The following TBC1D5 variants were observed in gnomAD, a reference collection of about 807,000 sequenced individuals.
TBC1D5 encodes TBC1 domain family, member 5.
Under a neutral mutation model 100.3 loss-of-function variants are expected in TBC1D5, and 75 were observed. The ratio of observed to expected loss-of-function variants is 0.75; its 90% confidence interval spans 0.62 to 0.91. The LOEUF (loss-of-function observed/expected upper bound fraction) is 0.91, where lower values mean the gene tolerates loss of function less well. Ranked by LOEUF, TBC1D5 falls within the 40% of genes least tolerant of loss-of-function variation. The pLI is 0.00. For missense variants in TBC1D5, 910 were observed against 942.4 expected (o/e 0.97, Z 0.45); for synonymous variants, 323 against 325.6 (o/e 0.99, Z 0.09).
chr3:17,739,926 A>C (rs1196750779), exon 1 of TBC1D5: 1 of 152,152 alleles, frequency 6.6e-6, no homozygotes, highest in Non-Finnish European at 1.5e-5. Flanking sequence ...AATCGCTTGA[A>C]TCTGGGAGGC....
At chr3:17,227,983 A>C (rs1204884451) in intron 17 of TBC1D5, among the ~76,000 whole-genome samples, 2 of 151,990 alleles carry the variant, frequency 1.3e-5, no homozygotes, top group Admixed American at 1.3e-4. Flanking sequence ...AGGGTCTGAC[A>C]GATCAAGAAG....
At chr3:17,345,365 A>C (rs1477826937) in intron 13 of TBC1D5, among the ~76,000 whole-genome samples, 1 of 152,182 alleles carries the variant, frequency 6.6e-6, no homozygotes, top group Non-Finnish European at 1.5e-5. Context: ...TAAAACCACA[A>C]TGAGATACCA....
At chr3:17,356,991 TGA>T (rs2091274782) in intron 13 of TBC1D5, among the ~76,000 whole-genome samples, 2 of 107,046 alleles carry the variant, frequency 1.9e-5, no homozygotes, top group Admixed American at 1.7e-4. Context: ...CACTGTTTTG[TGA>T]TAAAAAAAAA....
intron 18 of TBC1D5, among the ~76,000 whole-genome samples, chr3:17,198,535 A>G (rs2071030333): frequency 6.6e-6 from 1 of 152,242 alleles, no homozygotes; most frequent in African/African-American, 2.4e-5. Flanking sequence ...CTCATTATTT[A>G]TCTGAAATTC....
chr3:17,223,494 T>A (rs1321978192), intron 17 of TBC1D5, among the ~76,000 whole-genome samples: 1 of 152,210 alleles, frequency 6.6e-6, no homozygotes, highest in Non-Finnish European at 1.5e-5. Context: ...ATGCTTTAAT[T>A]CACTTGCTCA....
At chr3:17,484,625 G>A (rs116336935) in intron 3 of TBC1D5, among the ~76,000 whole-genome samples, 1,774 of 151,974 alleles carry the variant, frequency 0.012, 26 homozygotes, top group African/African-American at 0.04. Context: ...TGAGACCAAA[G>A]GTGTATGCCA....
At chr3:17,653,612 AT>A (rs1169204697) in intron 1 of TBC1D5, among the ~76,000 whole-genome samples, 3 of 152,176 alleles carry the variant, frequency 2.0e-5, no homozygotes, top group African/African-American at 7.2e-5. Flanking sequence ...TGTAATGTAG[AT>A]TTCTAGATTA....
intron 13 of TBC1D5, among the ~76,000 whole-genome samples, chr3:17,359,501 A>G (rs569631183): frequency 3.7e-4 from 57 of 152,228 alleles, no homozygotes; most frequent in South Asian, 2.1e-3. Context: ...TACAAGATGC[A>G]TACTGGTGAT....
chr3:17,405,485 C>A lies in TBC1D5; in HGVS notation c.277-524G>T, dbSNP rs150350661. ...GCAGTCAGCTTATGAAAATAACAAA[C>A]AATCTTAAAATGACAAATTTGATTT... On this transcript the variant is annotated intron_variant, in intron 5 of 21. Coordinates refer to ENST00000253692, the Ensembl canonical transcript of TBC1D5. Among the ~76,000 whole-genome samples, 31 of 152,048 alleles carry A rather than the reference C, an allele frequency of 2.0e-4. 1 individual carries two copies. The East Asian group carries it at 6.0e-3, about 29-fold the overall frequency.
At chr3:17,371,085 A>G (rs921935220) in intron 13 of TBC1D5, among the ~76,000 whole-genome samples, 1 of 151,938 alleles carries the variant, frequency 6.6e-6, no homozygotes, top group Non-Finnish European at 1.5e-5. Context: ...ACACACACAC[A>G]CACACACACA....
intron 1 of TBC1D5, among the ~76,000 whole-genome samples, chr3:17,665,871 T>G (rs2153752167): frequency 6.6e-6 from 1 of 152,314 alleles, no homozygotes; most frequent in Admixed American, 6.5e-5. Context: ...CTTTAAAGCT[T>G]GGACACATTT....
At chr3:17,344,553 T>C (rs1423917595) in intron 13 of TBC1D5, among the ~76,000 whole-genome samples, 2 of 151,894 alleles carry the variant, frequency 1.3e-5, no homozygotes, top group African/African-American at 2.4e-5. Context: ...CTTCACAGAA[T>C]TGGAAAAAAC....
intron 3 of TBC1D5, among the ~76,000 whole-genome samples, chr3:17,497,441 T>C (rs1282128562): frequency 6.6e-6 from 1 of 152,232 alleles, no homozygotes; most frequent in East Asian, 1.9e-4. Flanking sequence ...TTTGTATAAA[T>C]GAATGAACAT....
chr3:17,253,309 A>G (rs1323933099), intron 16 of TBC1D5, among the ~76,000 whole-genome samples: 1 of 152,214 alleles, frequency 6.6e-6, no homozygotes, highest in Admixed American at 6.5e-5. Context: ...AAGGACACTG[A>G]TGGCTATAGA....
At chr3:17,461,066 T>C (rs2095198900) in intron 3 of TBC1D5, among the ~76,000 whole-genome samples, 1 of 152,198 alleles carries the variant, frequency 6.6e-6, no homozygotes, top group East Asian at 1.9e-4. Flanking sequence ...TTTATGATAA[T>C]TATTAAAATG....
chr3:17,391,703 G>T (rs79116837), intron 8 of TBC1D5, among the ~76,000 whole-genome samples: 1 of 152,034 alleles, frequency 6.6e-6, no homozygotes, highest in Non-Finnish European at 1.5e-5. Context: ...GCAAAGAGGC[G>T]CCAGTGAGGG....
At chr3:17,324,843 A>T (rs2085888249) in intron 13 of TBC1D5, among the ~76,000 whole-genome samples, 2 of 152,218 alleles carry the variant, frequency 1.3e-5, no homozygotes. Flanking sequence ...ATAAACATAC[A>T]AAAAGATGTT....
chr3:17,433,955 C>A (rs2094490410), intron 3 of TBC1D5, among the ~76,000 whole-genome samples: 1 of 152,150 alleles, frequency 6.6e-6, no homozygotes, highest in African/African-American at 2.4e-5. Flanking sequence ...CTGTAAAGTA[C>A]CAAAATGATC....
intron 4 of TBC1D5, among the ~76,000 whole-genome samples, chr3:17,407,649 A>G (rs2093808506): frequency 1.3e-5 from 2 of 152,136 alleles, no homozygotes; most frequent in Non-Finnish European, 2.9e-5. Flanking sequence ...AAACTTGATC[A>G]TGGGACAAAA....
Sources: gnomAD v4.1 joint callset for allele counts (sites outside exome capture counted in the v4.1 genomes callset) on GRCh38, gnomAD v4.1.1 for gene constraint, MANE v1.5 for transcripts, NCBI Gene and HGNC (gene_info 2026-07-23, HGNC 2026-07-21) for gene names.